Variants in B4GALT1 observed in about 807,000 individuals in gnomAD.
The protein encoded by B4GALT1 is beta-1,4-galactosyltransferase 1, also known as N-acetyllactosamine synthase.
Under a neutral mutation model 34.9 loss-of-function variants are expected in B4GALT1, and 16 were observed. The observed-to-expected ratio is 0.46, with a 90% CI of 0.31 to 0.70. The LOEUF (loss-of-function observed/expected upper bound fraction) is 0.70. B4GALT1 is among the 30% of genes least tolerant of loss of function. The pLI is 0.05. For synonymous variants in B4GALT1, 221 were observed against 218.1 expected, an observed-to-expected ratio of 1.01 and a Z score of -0.12; for missense variants, 445 against 530.5, an observed-to-expected ratio of 0.84 and a Z score of 1.58.
Position 33,160,830 on chromosome 9 carries a change from C to T in B4GALT1, c.412+5928G>A, listed in dbSNP as rs571868305. Among the ~76,000 whole-genome samples the T allele has an allele frequency of 8.5e-5, 13 of 152,214 alleles. No homozygotes were observed. The East Asian group carries it at 2.1e-3, about 25-fold the overall frequency. On this transcript the variant is annotated intron_variant, in intron 1 of 5. Coordinates refer to ENST00000379731, the MANE Select transcript of B4GALT1 (RefSeq NM_001497.4). ...ATGAAAAAGACTAGTAGGAAATATG[C>T]CGGTATGTTTCTTTTGGGTGATAGG...
At chr9:33,114,467 A>G (rs1385518729) in intron 4 of B4GALT1, among the ~76,000 whole-genome samples, 1 of 152,240 alleles carries the variant, frequency 6.6e-6, no homozygotes, top group Non-Finnish European at 1.5e-5. Context: ...AGGCCTTCTC[A>G]GAGCATCCCA....
intron 2 of B4GALT1, among the ~76,000 whole-genome samples, chr9:33,123,877 A>C (rs993614927): frequency 4.6e-5 from 7 of 152,166 alleles, no homozygotes; most frequent in Non-Finnish European, 1.0e-4. Context: ...CGGCCCTTTC[A>C]ACGTGGTGAG....
chr9:33,146,360 C>T (rs892893974), intron 1 of B4GALT1, among the ~76,000 whole-genome samples: 4 of 152,232 alleles, frequency 2.6e-5, no homozygotes, highest in Admixed American at 1.3e-4. Context: ...CCTTTTAGAA[C>T]TAGAGCGCTT....
intron 2 of B4GALT1, chr9:33,104,841 A>G (rs1045143807): frequency 2.3e-5 from 10 of 437,468 alleles, no homozygotes; most frequent in Non-Finnish European, 4.5e-5. Flanking sequence ...TTTTTTTGAG[A>G]CAGTCTCACT....
the B4GALT1 span, among the ~76,000 whole-genome samples, chr9:33,182,279 C>T: frequency 4.4e-4 from 67 of 152,328 alleles, 1 homozygote; most frequent in African/African-American, 1.5e-3. Flanking sequence ...GTCCTCTCCT[C>T]TTATAAGGAA....
intron 2 of B4GALT1, among the ~76,000 whole-genome samples, chr9:33,121,201 C>G (rs948816675): frequency 6.6e-6 from 1 of 152,166 alleles, no homozygotes; most frequent in Non-Finnish European, 1.5e-5. Flanking sequence ...CCAACTCAAC[C>G]TCTGCCCTCA....
intron 5 of B4GALT1, 51 bp from the exon 6 acceptor site, chr9:33,113,637 A>G (rs1839897244): frequency 1.9e-6 from 3 of 1,613,006 alleles, no homozygotes; most frequent in Non-Finnish European, 2.5e-6. Context: ...AATCTTAAGA[A>G]GAAATCATCA....
downstream of B4GALT1, among the ~76,000 whole-genome samples, chr9:33,109,028 C>T (rs1162572392): frequency 1.3e-5 from 2 of 152,116 alleles, no homozygotes; most frequent in Admixed American, 6.5e-5. Flanking sequence ...GTGATAGGAA[C>T]GTCTTTTGTT....
At chr9:33,132,101 GA>G (rs896966546) in intron 2 of B4GALT1, among the ~76,000 whole-genome samples, 1 of 142,106 alleles carries the variant, frequency 7.0e-6, no homozygotes, top group African/African-American at 2.6e-5. Context: ...AGGATGAAGA[GA>G]AAAAAAAGTA....
intron 2 of B4GALT1, among the ~76,000 whole-genome samples, chr9:33,124,936 G>A (rs745457837): frequency 9.9e-5 from 15 of 152,196 alleles, no homozygotes; most frequent in Admixed American, 2.0e-4. Context: ...AGGAAGTCAC[G>A]CTTGGTGAAG....
At position 33,113,413 on chromosome 9, in the gene B4GALT1, T is replaced by A. The variant is rs1202594097; in HGVS notation, c.*41A>T. ...GATTGGCAGAGACACACAGCAGAGG[T>A]CCCTGGCTAATTTCAGGTCTCTTAT... On this transcript the variant is annotated 3_prime_UTR_variant, in exon 6 of 6. Transcript: ENST00000379731. The A allele has an allele frequency of 1.9e-6, 3 of 1,613,614 alleles. No individual in the cohort carries two copies. The highest frequency in any genetic ancestry group is 2.5e-6 in the Non-Finnish European group (3 of 1,179,854).
chr9:33,163,368 C>A (rs1441694879), intron 1 of B4GALT1, among the ~76,000 whole-genome samples: 3 of 152,328 alleles, frequency 2.0e-5, no homozygotes, highest in African/African-American at 7.2e-5. Flanking sequence ...TCCAAGTGCC[C>A]ATCTCTAGAT....
intron 1 of B4GALT1, among the ~76,000 whole-genome samples, chr9:33,141,252 C>T (rs10121006): frequency 0.023 from 3,528 of 152,212 alleles, 61 homozygotes; most frequent in East Asian, 0.061. Flanking sequence ...TGTCTGTAAT[C>T]CCAGCACTTT....
chr9:33,162,138 CATT>C (rs1840684455), intron 1 of B4GALT1, among the ~76,000 whole-genome samples: 1 of 152,210 alleles, frequency 6.6e-6, no homozygotes, highest in Non-Finnish European at 1.5e-5. Context: ...TCATTATAAT[CATT>C]ATAAAGCAGC....
chr9:33,154,030 GA>G, intron 1 of B4GALT1, among the ~76,000 whole-genome samples: 1 of 87,170 alleles, frequency 1.1e-5, no homozygotes, highest in Non-Finnish European at 2.3e-5. Context: ...AGGAAGGAAG[GA>G]AGGGAGGGAG....
At chr9:33,177,986 C>CTTTTTT in the B4GALT1 span, among the ~76,000 whole-genome samples, 3 of 107,462 alleles carry the variant, frequency 2.8e-5, no homozygotes, top group African/African-American at 3.7e-5. Flanking sequence ...AAACAGAAGA[C>CTTTTTT]TTTTTTTTTT....
intron 3 of B4GALT1, among the ~76,000 whole-genome samples, chr9:33,116,511 C>T (rs1361321201): frequency 7.5e-6 from 1 of 133,424 alleles, no homozygotes; most frequent in East Asian, 2.3e-4. Context: ...TGTAAGACAC[C>T]AAACCGGATC....
intron 1 of B4GALT1, among the ~76,000 whole-genome samples, chr9:33,144,415 T>A (rs1042615872): frequency 3.2e-4 from 48 of 152,128 alleles, no homozygotes; most frequent in Non-Finnish European, 4.4e-5. Flanking sequence ...TTTGTATTTT[T>A]AGTAGAGCCG....
chr9:33,133,926 T>C (rs1280414865), intron 2 of B4GALT1, among the ~76,000 whole-genome samples: 1 of 152,186 alleles, frequency 6.6e-6, no homozygotes, highest in Non-Finnish European at 1.5e-5. Context: ...GAGAAGCCCA[T>C]CTCCCTGCAG....
Sources: allele counts gnomAD v4.1 joint callset (sites outside exome capture counted in the v4.1 genomes callset), GRCh38; gene constraint gnomAD v4.1.1; transcripts MANE v1.5; gene names NCBI Gene and HGNC (gene_info 2026-07-23, HGNC 2026-07-21).